The following PTPN12 variants were observed in gnomAD, a reference collection of about 807,000 sequenced individuals.
The protein encoded by PTPN12 is tyrosine-protein phosphatase non-receptor type 12.
In PTPN12, 29 loss-of-function variants were observed where a neutral mutation model predicts 97.6. That is an observed-to-expected ratio of 0.30 (90% CI 0.22 to 0.41). The LOEUF is 0.41. Ranked by LOEUF, PTPN12 falls within the 10% of genes least tolerant of loss-of-function variation. The probability of loss-of-function intolerance (pLI) is 1.00; values close to 1 mark genes in which losing one functional copy is unlikely to be tolerated. For synonymous variants in PTPN12, 327 were observed against 300.4 expected (o/e 1.09, Z -0.91); for missense variants, 819 against 926.0 (o/e 0.88, Z 1.50).
At chr7:77,587,150 G>GT (rs1787716688) in intron 5 of PTPN12, among the ~76,000 whole-genome samples, 1 of 151,858 alleles carries the variant, frequency 6.6e-6, no homozygotes, top group African/African-American at 2.4e-5. Context: ...TTTCCAGAAG[G>GT]TTTTCAGTTC....
chr7:77,539,285 C>T (rs962602237), intron 1 of PTPN12, among the ~76,000 whole-genome samples: 1 of 152,156 alleles, frequency 6.6e-6, no homozygotes, highest in East Asian at 1.9e-4. Context: ...GTAAAGTTTT[C>T]TCAGTATCTT....
chr7:77,610,927 A>C, intron 10 of PTPN12, 21 bp from the exon 11 acceptor site: 1 of 1,586,530 alleles, frequency 6.3e-7, no homozygotes, highest in Non-Finnish European at 8.5e-7. Flanking sequence ...TTTGTTTTTT[A>C]ATCATTTTTC....
chr7:77,626,364 G>T (rs1046005824), intron 12 of PTPN12, among the ~76,000 whole-genome samples: 1 of 152,194 alleles, frequency 6.6e-6, no homozygotes, highest in Admixed American at 6.5e-5. Flanking sequence ...TAGAAAATGT[G>T]TGAAACAAAG....
At chr7:77,548,320 A>G (rs1807318745) in intron 1 of PTPN12, among the ~76,000 whole-genome samples, 1 of 152,210 alleles carries the variant, frequency 6.6e-6, no homozygotes, top group South Asian at 2.1e-4. Flanking sequence ...GATGACTCTG[A>G]AGAGGTTTTG....
At chr7:77,637,857 C>CAAA (rs754983873) in intron 16 of PTPN12, among the ~76,000 whole-genome samples, 16,383 of 55,502 alleles carry the variant, frequency 0.3, 3,348 homozygotes, top group East Asian at 0.61. Flanking sequence ...AACTCCGTCT[C>CAAA]AAAAAAAAAA....
At chr7:77,562,091 T>C (rs1808026436) in intron 1 of PTPN12, among the ~76,000 whole-genome samples, 1 of 152,054 alleles carries the variant, frequency 6.6e-6, no homozygotes, top group South Asian at 2.1e-4. Context: ...TCTCACTCTG[T>C]TGCCCAGGCT....
chr7:77,630,105 G>A (rs1420647932), intron 13 of PTPN12, among the ~76,000 whole-genome samples: 5 of 152,120 alleles, frequency 3.3e-5, no homozygotes, highest in African/African-American at 9.7e-5. Context: ...GATTTTAACC[G>A]AAGATTTTCC....
chr7:77,612,213 A>G (rs1406221679), intron 11 of PTPN12, among the ~76,000 whole-genome samples: 1 of 152,194 alleles, frequency 6.6e-6, no homozygotes, highest in East Asian at 1.9e-4. Context: ...AGGATAATCT[A>G]ATATCGGTCC....
chr7:77,568,687 T>C (rs1415252915), intron 1 of PTPN12, among the ~76,000 whole-genome samples: 2 of 152,180 alleles, frequency 1.3e-5, no homozygotes, highest in Non-Finnish European at 2.9e-5. Context: ...CTTAGAGTGA[T>C]TGTACCAGGC....
At chr7:77,575,962 CT>C (rs1787328323) in intron 2 of PTPN12, among the ~76,000 whole-genome samples, 1 of 152,158 alleles carries the variant, frequency 6.6e-6, no homozygotes, top group Non-Finnish European at 1.5e-5. Context: ...TGAGATTCTC[CT>C]GTCTCAGCCT....
At chr7:77,604,896 AC>A (rs1377627724) in intron 8 of PTPN12, 1 of 434,046 alleles carries the variant, frequency 2.3e-6, no homozygotes, top group Non-Finnish European at 4.7e-6. Flanking sequence ...CTCCTTTGCC[AC>A]TTACTGAACG....
Position 77,537,401 on chromosome 7 carries a change from G to A in PTPN12, c.-146G>A, listed in dbSNP as rs1806703387. 8.2e-7 allele frequency: 1 copy of A among 1,214,746 alleles called. No individual in the cohort carries two copies. Among genetic ancestry groups the A allele is most frequent in the Non-Finnish European group, 1.1e-6 (1 of 924,562 alleles). 75.2% of individuals were successfully genotyped at this position (1,214,746 alleles called of 1,614,324 possible). ...CGCCGCAGCCGCCGCCTAGGGCGGT[G>A]GGGAGGAGGAGGGAGCCGCGGGGCT... On this transcript the variant is annotated 5_prime_UTR_variant, in exon 1 of 18. Transcript: ENST00000248594.
chr7:77,546,912 G>A (rs185984574), intron 1 of PTPN12, among the ~76,000 whole-genome samples: 2 of 152,256 alleles, frequency 1.3e-5, no homozygotes, highest in Non-Finnish European at 2.9e-5. Flanking sequence ...AATAGCATGG[G>A]GGATTATAAT....
intron 11 of PTPN12, among the ~76,000 whole-genome samples, chr7:77,616,574 A>G (rs898839270): frequency 3.3e-5 from 5 of 152,176 alleles, no homozygotes; most frequent in African/African-American, 7.2e-5. Flanking sequence ...AAAATATTTC[A>G]TTGACATGAC....
Position 77,627,011 on chromosome 7 carries a change from A to T in PTPN12, c.1332A>T (p.Gln444His). ...LSFEIKKVPL[Q>H]EGPKSFDGNT... The stretch of plus-strand genomic sequence containing the variant: ...TTGAGATTAAGAAGGTCCCTCTCCA[A>T]GAGGGACCAAAAAGTTTTGATGGGA... Residue 444 changes from glutamine (Q) to histidine (H), a missense_variant, in exon 13 of 18, where the codon CAA (glutamine) becomes CAT (histidine). Gln to His is a conservative substitution (Grantham distance 24, BLOSUM62 0). Around this residue, in one of 5 missense-constraint regions of PTPN12, gnomAD observed 607 missense variants for 577.3 expected, o/e 1.05. Coordinates refer to ENST00000248594, the MANE Select transcript of PTPN12 (RefSeq NM_002835.4). The T allele has an allele frequency of 6.2e-7, 1 of 1,609,090 alleles. No individual in the cohort carries two copies. The highest frequency in any genetic ancestry group is 8.5e-7 in the Non-Finnish European group (1 of 1,178,512).
In PTPN12 at chr7:77,597,906, G is replaced by A. The variant is rs1342114426; in HGVS notation, c.552+5G>A. 6.2e-7 allele frequency: 1 copy of A among 1,612,110 alleles called. No individual in the cohort carries two copies. The highest frequency in any genetic ancestry group is 8.5e-7 in the Non-Finnish European group (1 of 1,179,300). On this transcript the variant is annotated splice_donor_5th_base_variant and intron_variant, in intron 7 of 17. Transcript: ENST00000248594. ...CTCTTACTTGAATTTCAAAATGTAG[G>A]TACTTACCATTTATAGACTATCTGT...
At chr7:77,591,814 C>A (rs1485360688) in intron 5 of PTPN12, among the ~76,000 whole-genome samples, 4 of 152,202 alleles carry the variant, frequency 2.6e-5, no homozygotes, top group African/African-American at 9.6e-5. Context: ...TAGAGATTGT[C>A]ATGTTACAAG....
At chr7:77,630,771 G>T (rs1789371410) in intron 13 of PTPN12, among the ~76,000 whole-genome samples, 2 of 152,148 alleles carry the variant, frequency 1.3e-5, no homozygotes, top group Non-Finnish European at 2.9e-5. Context: ...CCTCCTGAAA[G>T]ATTTCTCAGA....
At chr7:77,538,843 C>G (rs1806809690) in intron 1 of PTPN12, 3 of 151,922 alleles carry the variant, frequency 2.0e-5, no homozygotes, top group Admixed American at 2.0e-4. Flanking sequence ...CGTTGGAAAC[C>G]CTGTAGGTCT....
Sources: allele counts gnomAD v4.1 joint callset (sites outside exome capture counted in the v4.1 genomes callset), GRCh38; gene constraint gnomAD v4.1.1; regional missense constraint gnomAD v4.1.1; transcripts MANE v1.5; gene names NCBI Gene and HGNC (gene_info 2026-07-23, HGNC 2026-07-21).